The following KLHL22 variants were observed in gnomAD, a reference collection of about 807,000 sequenced individuals.
KLHL22 encodes kelch like family member 22, also known as kelch-like protein 22.
Under a neutral mutation model 60.7 loss-of-function variants are expected in KLHL22, and 18 were observed. That is an observed-to-expected ratio of 0.30 (90% CI 0.20 to 0.44). The LOEUF (loss-of-function observed/expected upper bound fraction) is 0.44, where lower values mean the gene tolerates loss of function less well. Among genes scored for constraint, KLHL22 ranks in the 20% least tolerant of loss-of-function variants. The pLI is 1.00. For missense variants in KLHL22, 596 were observed against 852.3 expected (o/e 0.70, Z 3.74); for synonymous variants, 355 against 354.5 (o/e 1.00, Z -0.01).
At position 20,446,443 on chromosome 22, in the gene KLHL22, C is replaced by A; in HGVS notation, c.1539G>T (p.Gln513His). 1 of 1,591,464 alleles carries A rather than the reference C, an allele frequency of 6.3e-7. No homozygotes were observed. The highest frequency in any genetic ancestry group is 1.3e-5 in the African/African-American group (1 of 74,670). ...GTGGACTGCCCCGGGCCCCACTCACCTGGTGCACGTCCCTCCTGTATCCGG... is the reference window on the plus strand; with the variant it reads ...GTGGACTGCCCCGGGCCCCACTCACATGGTGCACGTCCCTCCTGTATCCGG... ...NDAGYRRDVH[Q>H]VACYSCTSGQ... The change falls in exon 6 of 7, where the codon CAG becomes CAT. Residue 513 changes from glutamine to histidine, a missense_variant and splice_region_variant. Coordinates refer to ENST00000328879, the MANE Select transcript of KLHL22 (RefSeq NM_032775.4).
At chr22:20,479,812 C>T (rs1394093153) in intron 2 of KLHL22, among the ~76,000 whole-genome samples, 1 of 152,196 alleles carries the variant, frequency 6.6e-6, no homozygotes, top group Non-Finnish European at 1.5e-5. Flanking sequence ...CTATGTTCCT[C>T]AGAAAATTGT....
At chr22:20,476,498 C>T (rs182630769) in intron 2 of KLHL22, among the ~76,000 whole-genome samples, 14 of 147,660 alleles carry the variant, frequency 9.5e-5, no homozygotes, top group Admixed American at 6.1e-4. Context: ...CTGCAGGTTC[C>T]GCCCCCCGGG....
chr22:20,446,590 G>A lies in KLHL22; in HGVS notation c.1392C>T (p.His464=). The A allele has an allele frequency of 6.2e-7, 1 of 1,613,960 alleles. No individual in the cohort carries two copies. The highest frequency in any genetic ancestry group is 8.5e-7 in the Non-Finnish European group (1 of 1,180,018). Residue 464 remains histidine (H), a synonymous_variant, in exon 6 of 7, where the codon CAC becomes CAT. Transcript: ENST00000328879. ...AAGTGTTGCTGCCTGGATCGTAGCAGTGTGTCTCTTTCAGGTAATCCTCCC... is the reference window on the plus strand; with the variant it reads ...AAGTGTTGCTGCCTGGATCGTAGCAATGTGTCTCTTTCAGGTAATCCTCCC... ...RRGEDYLKET[H]CYDPGSNTWH...
chr22:20,492,335 C>T (rs2053704599), intron 1 of KLHL22, among the ~76,000 whole-genome samples: 1 of 152,154 alleles, frequency 6.6e-6, no homozygotes, highest in South Asian at 2.1e-4. Context: ...GGTCAGACCA[C>T]AGCAGTGATG....
intron 4 of KLHL22, among the ~76,000 whole-genome samples, 158 bp from the exon 5 acceptor site, chr22:20,458,158 G>T (rs948986913): frequency 6.6e-6 from 1 of 152,046 alleles, no homozygotes; most frequent in Non-Finnish European, 1.5e-5. Flanking sequence ...CTACAGCCAG[G>T]CCCACAGGCT....
chr22:20,470,787 G>GATGGATGA (rs2053309707), intron 3 of KLHL22, among the ~76,000 whole-genome samples: 1 of 26,164 alleles, frequency 3.8e-5, no homozygotes, highest in Non-Finnish European at 8.6e-5. Context: ...TGGATGGATA[G>GATGGATGA]ATGGATGGAT....
intron 4 of KLHL22, among the ~76,000 whole-genome samples, chr22:20,459,934 G>A (rs2053125269): frequency 6.6e-6 from 1 of 152,192 alleles, no homozygotes; most frequent in Admixed American, 6.5e-5. Flanking sequence ...GGTCAGCGGG[G>A]CCTGGGGAGG....
intron 3 of KLHL22, among the ~76,000 whole-genome samples, chr22:20,466,372 T>TAAAA (rs361874): frequency 2.3e-4 from 16 of 70,608 alleles, no homozygotes; most frequent in African/African-American, 7.3e-4. Context: ...AGACTCCGTC[T>TAAAA]AAAAAAAAAA....
At chr22:20,488,913 C>T (rs761921748) in intron 2 of KLHL22, 72 bp downstream of exon 2, 14 of 1,418,862 alleles carry the variant, frequency 9.9e-6, no homozygotes, top group African/African-American at 1.4e-5. Flanking sequence ...CCACTGTCAC[C>T]GCCAGTACCT....
intron 2 of KLHL22, among the ~76,000 whole-genome samples, chr22:20,480,855 G>A (rs1256301745): frequency 5.1e-5 from 7 of 136,242 alleles, no homozygotes; most frequent in East Asian, 4.7e-4. Context: ...TTTTTGAGAC[G>A]GAGTCTTGCT....
intron 2 of KLHL22, chr22:20,475,227 GAGA>G (rs1255054448): frequency 2.7e-5 from 4 of 148,818 alleles, no homozygotes; most frequent in African/African-American, 5.0e-5. Flanking sequence ...CTGCAGTAGT[GAGA>G]AGGTGAAAAA....
intron 4 of KLHL22, among the ~76,000 whole-genome samples, chr22:20,460,667 T>C (rs1165258739): frequency 7.5e-6 from 1 of 133,830 alleles, no homozygotes; most frequent in Non-Finnish European, 1.6e-5. Context: ...AGTGATACCA[T>C]ATGTCAATAA....
At chr22:20,491,289 T>G (rs1008588185) in intron 1 of KLHL22, 44 of 152,206 alleles carry the variant, frequency 2.9e-4, no homozygotes, top group African/African-American at 1.0e-3. Flanking sequence ...CTTCATTATG[T>G]AGGCATGACT....
Position 20,446,622 on chromosome 22 carries a change from G to A in KLHL22, c.1360C>T (p.Arg454Cys), listed in dbSNP as rs867222477. ...LEGKMYITCG[R>C]RGEDYLKETH... is the part of the protein sequence containing the mutation. Reference sequence around the variant, plus strand: ...TCTTTCAGGTAATCCTCCCCTCTGCGGCCGCAGGTGATATACATCTTCCCC... The same window carrying A: ...TCTTTCAGGTAATCCTCCCCTCTGCAGCCGCAGGTGATATACATCTTCCCC... The change falls in exon 6 of 7, where the codon CGC becomes TGC. Residue 454 changes from arginine to cysteine, a missense_variant. Coordinates refer to ENST00000328879, the MANE Select transcript of KLHL22 (RefSeq NM_032775.4). 3 of 1,613,504 alleles carry A rather than the reference G, an allele frequency of 1.9e-6. No individual in the cohort carries two copies. Among genetic ancestry groups the A allele is most frequent in the Admixed American group, 3.3e-5 (2 of 60,026 alleles).
At chr22:20,442,896 G>T (rs1275019206) in intron 6 of KLHL22, among the ~76,000 whole-genome samples, 1 of 152,268 alleles carries the variant, frequency 6.6e-6, no homozygotes, top group Non-Finnish European at 1.5e-5. Context: ...CTCAACACAG[G>T]CAGTAGGACA....
chr22:20,483,929 C>T, intron 2 of KLHL22: 1 of 677,004 alleles, frequency 1.5e-6, no homozygotes, highest in Non-Finnish European at 2.7e-6. Context: ...GGCCCCCAGA[C>T]CCCATGCAGC....
intron 1 of KLHL22, among the ~76,000 whole-genome samples, chr22:20,492,417 C>A (rs2053705750): frequency 6.6e-6 from 1 of 152,026 alleles, no homozygotes; most frequent in Non-Finnish European, 1.5e-5. Flanking sequence ...CCTACTCAGC[C>A]CCATCAGCAG....
intron 5 of KLHL22, among the ~76,000 whole-genome samples, chr22:20,456,621 C>T (rs2053067116): frequency 6.6e-6 from 1 of 152,246 alleles, no homozygotes; most frequent in Admixed American, 6.5e-5. Context: ...TGCTCCTTTC[C>T]CCAGGATGGG....
intron 2 of KLHL22, among the ~76,000 whole-genome samples, chr22:20,488,330 C>T (rs1040503299): frequency 6.6e-6 from 1 of 152,212 alleles, no homozygotes; most frequent in Non-Finnish European, 1.5e-5. Context: ...GTGACACCCA[C>T]CTCCTTGAGT....
Sources: gnomAD v4.1 joint callset for allele counts (sites outside exome capture counted in the v4.1 genomes callset) on GRCh38, gnomAD v4.1.1 for gene constraint, MANE v1.5 for transcripts, NCBI Gene and HGNC (gene_info 2026-07-23, HGNC 2026-07-21) for gene names.